The following PPP3R1 variants were observed in gnomAD, a reference collection of about 807,000 sequenced individuals.
PPP3R1 encodes calcineurin subunit B type 1.
In PPP3R1, 5 loss-of-function variants were observed where a neutral mutation model predicts 22.6. The observed-to-expected ratio is 0.22, with a 90% confidence interval of 0.12 to 0.46. PPP3R1 has a LOEUF of 0.46. PPP3R1 is among the 20% of genes least tolerant of loss of function. The pLI is 0.99. For missense variants in PPP3R1, 61 were observed against 203.2 expected (o/e 0.30, Z 4.25); for synonymous variants, 56 against 65.2 (o/e 0.86, Z 0.68).
intron 1 of PPP3R1, among the ~76,000 whole-genome samples, chr2:68,227,985 G>A (rs972966450): frequency 5.3e-5 from 8 of 152,034 alleles, no homozygotes; most frequent in African/African-American, 1.9e-4. Context: ...GCACTGACTA[G>A]AACTTTCAGC....
At chr2:68,181,060 C>G in intron 5 of PPP3R1, 50 bp from the exon 6 acceptor site, 1 of 1,542,996 alleles carries the variant, frequency 6.5e-7, no homozygotes, top group Non-Finnish European at 9.0e-7. Context: ...AGAAACTCCT[C>G]ATTCGTGGTC....
chr2:68,200,227 C>T (rs1363611042), intron 2 of PPP3R1, among the ~76,000 whole-genome samples: 1 of 151,956 alleles, frequency 6.6e-6, no homozygotes, highest in South Asian at 2.1e-4. Flanking sequence ...ATCCTTTTAA[C>T]ATCTGTAAGG....
At chr2:68,216,730 C>T (rs867857927) in intron 2 of PPP3R1, among the ~76,000 whole-genome samples, 4 of 152,278 alleles carry the variant, frequency 2.6e-5, no homozygotes, top group Non-Finnish European at 5.9e-5. Flanking sequence ...CATTCCAAGA[C>T]AAGGGAGCCT....
chr2:68,187,489 G>C (rs1674569609), intron 3 of PPP3R1, among the ~76,000 whole-genome samples, 175 bp from the exon 4 acceptor site: 1 of 152,086 alleles, frequency 6.6e-6, no homozygotes, highest in South Asian at 2.1e-4. Context: ...AGGTCTCTCT[G>C]TATTTTTTTT....
intron 3 of PPP3R1, among the ~76,000 whole-genome samples, chr2:68,187,986 A>G (rs1674583336): frequency 6.6e-6 from 1 of 152,250 alleles, no homozygotes; most frequent in South Asian, 2.1e-4. Context: ...CCTGGCCAAC[A>G]TGGTGAAATC....
chr2:68,180,964 C>A lies in PPP3R1; in HGVS notation c.512G>T (p.Ter171LeuextTer17). ...TTGGGTGGTACTCTCTGATAAGAGT[C>A]ACACATCTACCACCATCTTTTTGTG... The part of the protein sequence containing the change: ...DIHKKMVVDV[*>L] Residue 171 changes from the stop codon to leucine (L), a stop_lost, in exon 6 of 6, where the codon TGA becomes TTA. Coordinates refer to ENST00000234310, the MANE Select transcript of PPP3R1 (RefSeq NM_000945.4). 6.2e-7 allele frequency: 1 copy of A among 1,612,586 alleles called. No individual in the cohort carries two copies. The highest frequency in any genetic ancestry group is 1.1e-5 in the South Asian group (1 of 91,018).
chr2:68,206,043 C>A (rs561631347), intron 2 of PPP3R1, among the ~76,000 whole-genome samples: 14 of 152,130 alleles, frequency 9.2e-5, no homozygotes, highest in African/African-American at 3.4e-4. Context: ...GTCTTGAACT[C>A]CGGACCTCAG....
At chr2:68,194,772 T>C (rs1674734934) in intron 2 of PPP3R1, among the ~76,000 whole-genome samples, 1 of 152,078 alleles carries the variant, frequency 6.6e-6, no homozygotes, top group African/African-American at 2.4e-5. Flanking sequence ...AACAGAATGG[T>C]AGAAAAACAA....
intron 1 of PPP3R1, among the ~76,000 whole-genome samples, chr2:68,242,980 G>C (rs1458698697): frequency 1.3e-5 from 2 of 152,072 alleles, no homozygotes; most frequent in Non-Finnish European, 2.9e-5. Context: ...TTTAGAAAAA[G>C]AGCTGGTCAA....
At chr2:68,190,544 C>T (rs1311104351) in intron 2 of PPP3R1, among the ~76,000 whole-genome samples, 5 of 151,942 alleles carry the variant, frequency 3.3e-5, no homozygotes, top group South Asian at 2.1e-4. Flanking sequence ...CTAGCCTGGG[C>T]GACAAAAGGG....
intron 2 of PPP3R1, among the ~76,000 whole-genome samples, chr2:68,194,503 T>C (rs1251294869): frequency 6.6e-6 from 1 of 152,136 alleles, no homozygotes; most frequent in Non-Finnish European, 1.5e-5. Context: ...GAAGGTTACA[T>C]ATTCATTCAT....
At chr2:68,184,000 TACAGAACAAGGGC>T (rs776863915) in intron 5 of PPP3R1, among the ~76,000 whole-genome samples, 15 of 152,202 alleles carry the variant, frequency 9.9e-5, no homozygotes, top group Non-Finnish European at 1.9e-4. Context: ...GGAAGTCAGG[TACAGAACAAGGGC>T]ACAGATGCCA....
rs1353099073 is a variant in PPP3R1, at chr2:68,188,755, C to A, written c.44-65G>T. On this transcript the variant is annotated intron_variant, in intron 2 of 5. Coordinates refer to ENST00000234310, the MANE Select transcript of PPP3R1 (RefSeq NM_000945.4). ...ATGTTCCCAAATCCTTTCTAATGGG[C>A]AGTAGCAAGATTTTAAAAAAAATTT... 29 of 1,399,268 alleles carry A rather than the reference C, an allele frequency of 2.1e-5. No homozygotes were observed. In the East Asian group the frequency reaches 6.9e-4, roughly 33 times the overall value. The allele number at this position is 1,399,268 out of a possible 1,614,324, so 86.7% of individuals were successfully genotyped here.
chr2:68,181,520 A>G (rs1674400554), intron 5 of PPP3R1, among the ~76,000 whole-genome samples: 1 of 152,020 alleles, frequency 6.6e-6, no homozygotes, highest in Admixed American at 6.6e-5. Context: ...TCCTAGGATA[A>G]CAGGCATTAC....
intron 2 of PPP3R1, among the ~76,000 whole-genome samples, chr2:68,193,224 A>T (rs760313564): frequency 6.6e-6 from 1 of 152,162 alleles, no homozygotes; most frequent in Non-Finnish European, 1.5e-5. Flanking sequence ...AAGCCCCTTT[A>T]ATATGACTAG....
intron 1 of PPP3R1, 91 bp from the exon 2 acceptor site, chr2:68,217,222 G>A: frequency 7.9e-5 from 67 of 846,900 alleles, no homozygotes; most frequent in Middle Eastern, 2.5e-4. Flanking sequence ...AAAAACATAG[G>A]GAAATAAGCC....
rs143428138 is a variant in PPP3R1 at position 68,230,930 on chromosome 2, A to G, written c.4-13799T>C. 7.1e-4 allele frequency among the ~76,000 whole-genome samples: 108 copies of G among 152,274 alleles called. 3 individuals are homozygous for G. In the East Asian group the frequency reaches 0.016, roughly 23 times the overall value. ...TGATTTCAAGACTTGTCTTGTTTTT[A>G]TAAGTTTTACTTTGAGATATCCTGG... is the stretch of plus-strand genomic sequence containing the variant. On this transcript the variant is annotated intron_variant, in intron 1 of 5. Coordinates refer to ENST00000234310, the MANE Select transcript of PPP3R1 (RefSeq NM_000945.4).
chr2:68,250,627 G>A (rs1033017823), intron 1 of PPP3R1, among the ~76,000 whole-genome samples: 2 of 152,210 alleles, frequency 1.3e-5, no homozygotes, highest in African/African-American at 4.8e-5. Context: ...GAATGGCTAT[G>A]ATCTTCCTAA....
chr2:68,224,492 C>A lies in PPP3R1; in HGVS notation c.4-7361G>T, dbSNP rs71413127. On this transcript the variant is annotated intron_variant, in intron 1 of 5. Coordinates refer to ENST00000234310, the MANE Select transcript of PPP3R1 (RefSeq NM_000945.4). The stretch of plus-strand genomic sequence containing the variant: ...CCTGACCAACATGGTGAAACCCTGT[C>A]TCTACTGAAAATACAAAAAAAACTA... Among the ~76,000 whole-genome samples the A allele has an allele frequency of 5.0e-4, 76 of 152,076 alleles. 1 individual carries two copies. The highest frequency in any genetic ancestry group is 1.2e-3 in the South Asian group (6 of 4,810).
Sources: gnomAD v4.1 joint callset for allele counts (sites outside exome capture counted in the v4.1 genomes callset) on GRCh38, gnomAD v4.1.1 for gene constraint, MANE v1.5 for transcripts, NCBI Gene and HGNC (gene_info 2026-07-23, HGNC 2026-07-21) for gene names.